Variants in XYLT1 observed in about 807,000 individuals in gnomAD.
The protein encoded by XYLT1 is xylosyltransferase 1.
XYLT1 carries 36 observed loss-of-function variants against 91.3 expected under a neutral mutation model. The observed-to-expected ratio is 0.39, with a 90% CI of 0.30 to 0.52. The LOEUF (loss-of-function observed/expected upper bound fraction) is 0.52. XYLT1 is among the 20% of genes least tolerant of loss of function. The pLI is 0.68. For synonymous variants in XYLT1, 588 were observed against 532.0 expected (o/e 1.11, Z -1.45); for missense variants, 1,242 against 1,284.5 (o/e 0.97, Z 0.51).
intron 1 of XYLT1, among the ~76,000 whole-genome samples, chr16:17,404,549 A>C (rs941655565): frequency 6.6e-6 from 1 of 152,198 alleles, no homozygotes; most frequent in Non-Finnish European, 1.5e-5. Context: ...CACATGGTGC[A>C]TAGGAAGCAA....
intron 5 of XYLT1, among the ~76,000 whole-genome samples, chr16:17,169,804 A>C (rs1356685797): frequency 6.6e-6 from 1 of 152,174 alleles, no homozygotes; most frequent in Non-Finnish European, 1.5e-5. Context: ...TAGTTAACCA[A>C]ATTCTGCATT....
chr16:17,340,691 CACTT>C (rs2035053507), intron 2 of XYLT1, among the ~76,000 whole-genome samples: 2 of 152,208 alleles, frequency 1.3e-5, no homozygotes, highest in Non-Finnish European at 2.9e-5. Context: ...AACCATACCT[CACTT>C]ACACAGGTTT....
chr16:17,201,379 T>C (rs2141590290), intron 3 of XYLT1, among the ~76,000 whole-genome samples: 1 of 152,342 alleles, frequency 6.6e-6, no homozygotes, highest in African/African-American at 2.4e-5. Context: ...ATAGCCACAG[T>C]ATTGTTTAGA....
At chr16:17,330,315 C>T (rs1243648063) in intron 2 of XYLT1, among the ~76,000 whole-genome samples, 1 of 152,214 alleles carries the variant, frequency 6.6e-6, no homozygotes, top group African/African-American at 2.4e-5. Context: ...TACATCCACT[C>T]AACCCCCAGA....
chr16:17,377,718 T>G (rs2035621572), intron 1 of XYLT1, among the ~76,000 whole-genome samples: 1 of 152,144 alleles, frequency 6.6e-6, no homozygotes, highest in African/African-American at 2.4e-5. Context: ...ATGACTTATT[T>G]TCTATTTCTA....
intron 2 of XYLT1, among the ~76,000 whole-genome samples, chr16:17,309,101 C>A (rs189943148): frequency 6.6e-6 from 1 of 152,040 alleles, no homozygotes; most frequent in Non-Finnish European, 1.5e-5. Context: ...GGTGGAAAGG[C>A]GGCTCAGAGA....
chr16:17,338,048 G>T, intron 2 of XYLT1: 2 of 389,356 alleles, frequency 5.1e-6, no homozygotes, highest in Non-Finnish European at 1.0e-5. Flanking sequence ...GATTATAGGC[G>T]TGAGCCACCG....
intron 1 of XYLT1, among the ~76,000 whole-genome samples, chr16:17,450,505 C>T (rs2036652941): frequency 6.6e-6 from 1 of 152,178 alleles, no homozygotes; most frequent in Non-Finnish European, 1.5e-5. Context: ...GTGGGTCACA[C>T]ACACGGCTGG....
chr16:17,120,704 C>G (rs1031789644), intron 10 of XYLT1, among the ~76,000 whole-genome samples: 1 of 152,134 alleles, frequency 6.6e-6, no homozygotes, highest in African/African-American at 2.4e-5. Flanking sequence ...CTCTCCAGAT[C>G]TAGACCGTCA....
intron 2 of XYLT1, among the ~76,000 whole-genome samples, chr16:17,333,174 T>G (rs920608721): frequency 1.3e-5 from 2 of 152,210 alleles, no homozygotes; most frequent in Non-Finnish European, 2.9e-5. Flanking sequence ...TTCATCCTCA[T>G]TCAAGACACA....
Position 17,470,668 on chromosome 16 carries a change from C to G in XYLT1, c.129G>C (p.Gly43=), listed in dbSNP as rs1304210739. Residue 43 remains glycine (G), a synonymous_variant, in exon 1 of 12, where the codon GGG becomes GGC. Coordinates refer to ENST00000261381, the MANE Select transcript of XYLT1 (RefSeq NM_022166.4). ...WNFSSLDSGA[G]ERRGGAAVGG... ...CGACCGCTGCGCCCCCGCGGCGCTC[C>G]CCGGCCCCGGAGTCGAGGCTGCTGA... is the stretch of plus-strand genomic sequence containing the variant. 4.4e-6 allele frequency: 5 copies of G among 1,148,030 alleles called. No homozygotes were observed. The South Asian group carries it at 9.0e-5, about 21-fold the overall frequency. The allele number at this position is 1,148,030 out of a possible 1,614,324, so 71.1% of individuals were successfully genotyped here.
intron 1 of XYLT1, among the ~76,000 whole-genome samples, chr16:17,448,709 G>A: frequency 6.7e-6 from 1 of 148,194 alleles, no homozygotes; most frequent in East Asian, 2.2e-4. Context: ...GGAAGAGGGG[G>A]GAGGAGGAAG....
intron 3 of XYLT1, among the ~76,000 whole-genome samples, chr16:17,257,091 G>T (rs1187377896): frequency 1.3e-5 from 2 of 152,218 alleles, no homozygotes; most frequent in African/African-American, 4.8e-5. Context: ...ACAAAAGCAG[G>T]GGTTGGTATT....
intron 1 of XYLT1, among the ~76,000 whole-genome samples, chr16:17,364,412 T>A (rs775789265): frequency 2.0e-5 from 3 of 152,204 alleles, no homozygotes; most frequent in African/African-American, 7.2e-5. Flanking sequence ...ACTGACATCA[T>A]GAGTTGTCGT....
At chr16:17,110,247 A>C (rs1382337205) in intron 11 of XYLT1, among the ~76,000 whole-genome samples, 1 of 152,230 alleles carries the variant, frequency 6.6e-6, no homozygotes, top group Non-Finnish European at 1.5e-5. Flanking sequence ...CCTGGCATAT[A>C]CTAAGTGCTG....
intron 5 of XYLT1, among the ~76,000 whole-genome samples, chr16:17,196,832 G>A (rs1366067283): frequency 6.6e-6 from 1 of 151,798 alleles, no homozygotes; most frequent in Non-Finnish European, 1.5e-5. Flanking sequence ...ACTTTGGGAG[G>A]CCAAGGCAGG....
At position 17,245,102 on chromosome 16, in the gene XYLT1, C is replaced by T. The variant is rs1419842405; in HGVS notation, c.913+13886G>A. On this transcript the variant is annotated intron_variant, in intron 3 of 11. Coordinates refer to ENST00000261381, the MANE Select transcript of XYLT1 (RefSeq NM_022166.4). ...AAAAATGTACACACAAGTGCCACTG[C>T]TCAGATGGGACTGACGGATCAGGGT... Among the ~76,000 whole-genome samples, 3 of 152,316 alleles carry T rather than the reference C, an allele frequency of 2.0e-5. No individual in the cohort carries two copies. In the East Asian group the frequency reaches 5.8e-4, roughly 29 times the overall value.
chr16:17,185,405 C>T (rs1418445242), intron 5 of XYLT1, among the ~76,000 whole-genome samples: 6 of 152,178 alleles, frequency 3.9e-5, no homozygotes, highest in Non-Finnish European at 7.3e-5. Flanking sequence ...TGGATGGTTT[C>T]GAACCCAGGA....
At chr16:17,226,106 T>C (rs926897138) in intron 3 of XYLT1, among the ~76,000 whole-genome samples, 6 of 152,110 alleles carry the variant, frequency 3.9e-5, no homozygotes, top group Non-Finnish European at 7.4e-5. Flanking sequence ...CCTTGGAGGC[T>C]GTTATGGTTA....
Sources: gnomAD v4.1 joint callset for allele counts (sites outside exome capture counted in the v4.1 genomes callset) on GRCh38, gnomAD v4.1.1 for gene constraint, MANE v1.5 for transcripts, NCBI Gene and HGNC (gene_info 2026-07-23, HGNC 2026-07-21) for gene names.